Variants in CWC27 observed in about 807,000 individuals in gnomAD.
The protein encoded by CWC27 is CWC27 spliceosome associated cyclophilin.
In CWC27, 47 loss-of-function variants were observed where a neutral mutation model predicts 63.6. That is an observed-to-expected ratio of 0.74 (90% CI 0.58 to 0.94). CWC27 has a LOEUF of 0.94. Among genes scored for constraint, CWC27 ranks in the 40% least tolerant of loss-of-function variants. CWC27 has a pLI of 0.00. For synonymous variants in CWC27, 175 were observed against 179.8 expected (o/e 0.97, Z 0.22); for missense variants, 495 against 554.3 (o/e 0.89, Z 1.07).
chr5:64,989,643 G>A (rs564706032), intron 13 of CWC27, among the ~76,000 whole-genome samples: 116 of 152,298 alleles, frequency 7.6e-4, no homozygotes, highest in Non-Finnish European at 1.4e-3. Context: ...AGGTGCAGTG[G>A]TTGACATGAC....
At chr5:64,909,347 T>A (rs1248377695) in intron 11 of CWC27, among the ~76,000 whole-genome samples, 2 of 152,122 alleles carry the variant, frequency 1.3e-5, no homozygotes, top group African/African-American at 4.8e-5. Context: ...ACCCAACCTT[T>A]CTCTCTGGCT....
In CWC27 at chr5:64,967,118, CCAGT is replaced by C. The variant is rs1466498804; in HGVS notation, c.1043-4582_1043-4579del. Among the ~76,000 whole-genome samples, 6 of 151,984 alleles carry C rather than the reference CCAGT, an allele frequency of 3.9e-5. No individual in the cohort carries two copies. In the East Asian group the frequency reaches 9.6e-4, roughly 24 times the overall value. The stretch of plus-strand genomic sequence containing the variant: ...CATGTTATTGCTTCTAGTATATCAG[CCAGT>C]CATTTTTACAATTACCCATATTTGT... On this transcript the variant is annotated intron_variant, in intron 11 of 13. Coordinates refer to ENST00000381070, the MANE Select transcript of CWC27 (RefSeq NM_005869.4).
At chr5:64,831,611 G>C (rs1429087370) in intron 10 of CWC27, among the ~76,000 whole-genome samples, 1 of 151,716 alleles carries the variant, frequency 6.6e-6, no homozygotes, top group Non-Finnish European at 1.5e-5. Context: ...TACCTATAAG[G>C]TTTTATGTTG....
At chr5:64,869,049 A>G (rs1455908911) in intron 10 of CWC27, among the ~76,000 whole-genome samples, 1 of 152,104 alleles carries the variant, frequency 6.6e-6, no homozygotes, top group Non-Finnish European at 1.5e-5. Context: ...GAATAGAGGA[A>G]AAGAAAGCCA....
intron 10 of CWC27, among the ~76,000 whole-genome samples, chr5:64,860,229 A>C: frequency 6.6e-6 from 1 of 152,330 alleles, no homozygotes; most frequent in East Asian, 1.9e-4. Context: ...CTGATATTTA[A>C]ATGAATTAAA....
chr5:64,900,116 T>C (rs1021646880), intron 11 of CWC27, among the ~76,000 whole-genome samples: 1 of 152,254 alleles, frequency 6.6e-6, no homozygotes, highest in African/African-American at 2.4e-5. Context: ...ATGTGATAGG[T>C]GTATGTTCAA....
At chr5:64,973,250 G>T (rs1393473423) in intron 12 of CWC27, among the ~76,000 whole-genome samples, 1 of 152,168 alleles carries the variant, frequency 6.6e-6, no homozygotes, top group African/African-American at 2.4e-5. Context: ...TATCCTAAAG[G>T]CCATGGGGAA....
rs1329735543 is a variant in CWC27, at chr5:64,949,330, C to A, written c.1043-22373C>A. Among the ~76,000 whole-genome samples the A allele has an allele frequency of 2.6e-5, 4 of 151,938 alleles. No homozygotes were observed. The East Asian group carries it at 7.7e-4, about 29-fold the overall frequency. On this transcript the variant is annotated intron_variant, in intron 11 of 13. Coordinates refer to ENST00000381070, the MANE Select transcript of CWC27 (RefSeq NM_005869.4). The stretch of plus-strand genomic sequence containing the variant: ...ATACTGAAATATCCTCAAAACAAAT[C>A]TGTTCTTTGTATATTTCTCTTGCAA...
At chr5:64,941,654 G>A (rs1053395774) in intron 11 of CWC27, among the ~76,000 whole-genome samples, 2 of 151,936 alleles carry the variant, frequency 1.3e-5, no homozygotes, top group African/African-American at 4.8e-5. Context: ...CTGAACATAT[G>A]TGTATAGAAG....
intron 13 of CWC27, among the ~76,000 whole-genome samples, chr5:64,992,533 CTT>C (rs36044216): frequency 2.0e-5 from 3 of 146,966 alleles, no homozygotes; most frequent in Admixed American, 6.8e-5. Context: ...ACTTTCTACA[CTT>C]TTTTTTTTTT....
At chr5:64,819,124 G>A (rs1271719900) in intron 10 of CWC27, among the ~76,000 whole-genome samples, 7 of 152,100 alleles carry the variant, frequency 4.6e-5, no homozygotes, top group Non-Finnish European at 5.9e-5. Flanking sequence ...TGCTAGGTTC[G>A]GATGTTTGCA....
At chr5:64,898,868 C>T (rs1184083220) in intron 11 of CWC27, among the ~76,000 whole-genome samples, 2 of 152,162 alleles carry the variant, frequency 1.3e-5, no homozygotes, top group Non-Finnish European at 2.9e-5. Context: ...GACCCACCTC[C>T]ATGCCTATAT....
At chr5:64,969,578 T>C (rs1208864665) in intron 11 of CWC27, among the ~76,000 whole-genome samples, 1 of 152,124 alleles carries the variant, frequency 6.6e-6, no homozygotes, top group African/African-American at 2.4e-5. Flanking sequence ...TGACTATTTA[T>C]TGAATCACTT....
At chr5:64,993,346 G>GA (rs1303449635) in intron 13 of CWC27, among the ~76,000 whole-genome samples, 1 of 151,810 alleles carries the variant, frequency 6.6e-6, no homozygotes, top group Non-Finnish European at 1.5e-5. Context: ...AGTAATATTT[G>GA]AAAAAAAGGC....
chr5:64,867,450 T>G (rs1385447516), intron 10 of CWC27, among the ~76,000 whole-genome samples: 1 of 152,102 alleles, frequency 6.6e-6, no homozygotes, highest in African/African-American at 2.4e-5. Flanking sequence ...GATGTTGAGA[T>G]CTCCTAATAA....
intron 10 of CWC27, among the ~76,000 whole-genome samples, chr5:64,873,810 T>A (rs984894853): frequency 1.3e-5 from 2 of 152,164 alleles, no homozygotes; most frequent in African/African-American, 4.8e-5. Context: ...TTTTATAGTT[T>A]TAGGTCTTAT....
At chr5:64,988,547 A>G (rs1749477173) in intron 13 of CWC27, among the ~76,000 whole-genome samples, 1 of 149,642 alleles carries the variant, frequency 6.7e-6, no homozygotes, top group Admixed American at 6.7e-5. Context: ...TGCTATTTGT[A>G]TCTGTCCCAT....
intron 10 of CWC27, among the ~76,000 whole-genome samples, chr5:64,815,150 G>A (rs1205176964): frequency 6.6e-6 from 1 of 152,092 alleles, no homozygotes; most frequent in Non-Finnish European, 1.5e-5. Context: ...ACACATAAAC[G>A]TATATCCTGA....
chr5:64,873,584 C>G (rs1387071656), intron 10 of CWC27, among the ~76,000 whole-genome samples: 1 of 151,970 alleles, frequency 6.6e-6, no homozygotes, highest in Admixed American at 6.6e-5. Flanking sequence ...GATATTAGCT[C>G]CTTGTCAGGT....
Sources: allele counts gnomAD v4.1 joint callset (sites outside exome capture counted in the v4.1 genomes callset), GRCh38; gene constraint gnomAD v4.1.1; transcripts MANE v1.5; gene names NCBI Gene and HGNC (gene_info 2026-07-23, HGNC 2026-07-21).